AKAP10: variants seen among roughly 807,000 people sequenced by gnomAD.
AKAP10 encodes A-kinase anchoring protein 10.
In AKAP10, 24 loss-of-function variants were observed where a neutral mutation model predicts 80.8. The ratio of observed to expected loss-of-function variants is 0.30; its 90% CI spans 0.22 to 0.42. AKAP10 has a LOEUF of 0.42. AKAP10 is among the 10% of genes least tolerant of loss of function. The pLI, the probability that AKAP10 is intolerant of heterozygous loss-of-function variation, is 1.00. For missense variants in AKAP10, 661 were observed against 794.9 expected, an observed-to-expected ratio of 0.83 and a Z score of 2.03; for synonymous variants, 291 against 277.7, an observed-to-expected ratio of 1.05 and a Z score of -0.48.
chr17:19,940,840 G>T (rs780178322), intron 7 of AKAP10, 47 bp downstream of exon 7: 2 of 1,530,792 alleles, frequency 1.3e-6, no homozygotes, highest in Non-Finnish European at 1.7e-6. Context: ...TTGATAGTTA[G>T]AGGCTGGAAT....
intron 1 of AKAP10, among the ~76,000 whole-genome samples, chr17:19,972,354 T>C (rs542188768): frequency 6.6e-6 from 1 of 152,354 alleles, no homozygotes; most frequent in East Asian, 1.9e-4. Flanking sequence ...GTCTTTTACT[T>C]ATTACTTGCA....
intron 2 of AKAP10, among the ~76,000 whole-genome samples, chr17:19,966,761 A>C (rs1427319048): frequency 6.6e-6 from 1 of 152,224 alleles, no homozygotes; most frequent in East Asian, 1.9e-4. Flanking sequence ...TCATACTGTT[A>C]GTGGCAAAGT....
chr17:19,930,406 T>C (rs767718981), intron 10 of AKAP10, among the ~76,000 whole-genome samples: 72 of 152,144 alleles, frequency 4.7e-4, no homozygotes, highest in South Asian at 1.5e-3. Context: ...GTTTAACATA[T>C]GAAAGCACTC....
At position 19,946,271 on chromosome 17, in the gene AKAP10, ATATATTTTTTTTT is replaced by A. The variant is rs2043127333; in HGVS notation, c.976+1123_976+1135del. On this transcript the variant is annotated intron_variant, in intron 5 of 14. Coordinates refer to ENST00000225737, the MANE Select transcript of AKAP10 (RefSeq NM_007202.4). ...TATATATATATATATATATATATAT[ATATATTTTTTTTT>A]TTTTTTTTTTTTTTTGGCAGGGGGT... 3.9e-4 allele frequency among the ~76,000 whole-genome samples: 9 copies of A among 23,356 alleles called. No individual in the cohort carries two copies. The East Asian group carries it at 0.013, about 33-fold the overall frequency. 15.3% of individuals were successfully genotyped at this position (23,356 alleles called of 152,430 possible). A position where few individuals can be genotyped will look rare whatever the true frequency, so the allele number is the denominator to read the frequency against.
rs1263137803 is a variant in AKAP10 at position 19,968,467 on chromosome 17, A to T, written c.89-6T>A. ...CTCTTGTTCTTTGCCTTTCACTAGA[A>T]CATAAAAAGATAATTATGACCAACT... On this transcript the variant is annotated splice_polypyrimidine_tract_variant and splice_region_variant and intron_variant, in intron 1 of 14. Transcript: ENST00000225737. The T allele has an allele frequency of 6.2e-7, 1 of 1,613,156 alleles. No homozygotes were observed. Among genetic ancestry groups the T allele is most frequent in the Admixed American group, 1.7e-5 (1 of 59,928 alleles).
At chr17:19,963,418 C>G (rs969822670) in intron 2 of AKAP10, among the ~76,000 whole-genome samples, 1 of 152,028 alleles carries the variant, frequency 6.6e-6, no homozygotes, top group African/African-American at 2.4e-5. Flanking sequence ...TCTCAAAATA[C>G]TGTGCCAAAA....
At chr17:19,973,768 T>G (rs906009375) in intron 1 of AKAP10, among the ~76,000 whole-genome samples, 11 of 152,180 alleles carry the variant, frequency 7.2e-5, no homozygotes, top group African/African-American at 2.7e-4. Context: ...GACCAGGGTG[T>G]TAATTGTCAC....
intron 11 of AKAP10, among the ~76,000 whole-genome samples, chr17:19,921,490 G>C (rs2042815794): frequency 6.6e-6 from 1 of 151,716 alleles, no homozygotes; most frequent in Non-Finnish European, 1.5e-5. Flanking sequence ...AGACTGGTGA[G>C]AACATAAAAT....
chr17:19,945,293 T>A (rs2043091475), intron 5 of AKAP10, among the ~76,000 whole-genome samples: 1 of 152,050 alleles, frequency 6.6e-6, no homozygotes, highest in African/African-American at 2.4e-5. Flanking sequence ...TTCCTTTTTA[T>A]CCACACGCCA....
chr17:19,919,052 A>C (rs142666321), intron 12 of AKAP10, among the ~76,000 whole-genome samples: 31,001 of 150,364 alleles, frequency 0.21, 3,482 homozygotes, highest in Middle Eastern at 0.29. Context: ...TATTAGGTAT[A>C]TCTCCTAATG....
chr17:19,950,888 C>T (rs1002449080), intron 4 of AKAP10, among the ~76,000 whole-genome samples: 54 of 151,820 alleles, frequency 3.6e-4, no homozygotes, highest in Non-Finnish European at 6.5e-4. Flanking sequence ...GGCAGCCCAT[C>T]GTCTGAGATG....
At chr17:19,908,057 G>C (rs1360166293) in intron 14 of AKAP10, among the ~76,000 whole-genome samples, 1 of 151,700 alleles carries the variant, frequency 6.6e-6, no homozygotes, top group Non-Finnish European at 1.5e-5. Flanking sequence ...TAGAGACGGG[G>C]TTGCACCATG....
At chr17:19,951,803 CA>C (rs1474183738) in intron 4 of AKAP10, among the ~76,000 whole-genome samples, 1 of 151,620 alleles carries the variant, frequency 6.6e-6, no homozygotes, top group Admixed American at 6.6e-5. Context: ...AGACCTTGTT[CA>C]CATGTTTATC....
At chr17:19,934,363 T>C (rs890985578) in intron 9 of AKAP10, among the ~76,000 whole-genome samples, 4 of 152,250 alleles carry the variant, frequency 2.6e-5, no homozygotes, top group Admixed American at 2.6e-4. Flanking sequence ...TCTTTAATTG[T>C]TCAAGACAGG....
chr17:19,922,577 C>A (rs1216499764), intron 11 of AKAP10, among the ~76,000 whole-genome samples: 1 of 152,114 alleles, frequency 6.6e-6, no homozygotes, highest in Non-Finnish European at 1.5e-5. Context: ...GAAAAATTAT[C>A]ATTTCTCTTT....
At chr17:19,946,207 ATAT>A (rs1365451770) in intron 5 of AKAP10, among the ~76,000 whole-genome samples, 1,268 of 32,764 alleles carry the variant, frequency 0.039, 114 homozygotes, top group African/African-American at 0.14. Context: ...CATATATTTT[ATAT>A]ATATATATAT....
chr17:19,958,219 G>C lies in AKAP10; in HGVS notation c.672C>G (p.Asp224Glu). 1 of 1,614,102 alleles carries C rather than the reference G, an allele frequency of 6.2e-7. No individual in the cohort carries two copies. The highest frequency in any genetic ancestry group is 8.5e-7 in the Non-Finnish European group (1 of 1,180,008). The change falls in exon 4 of 15, where the codon GAC becomes GAG. Residue 224 changes from aspartate to glutamate, a missense_variant. Coordinates refer to ENST00000225737, the MANE Select transcript of AKAP10 (RefSeq NM_007202.4). ...GAGTGCTGTTAGTTCTATTATTCAG[G>C]TCAATTCCTTCTGAATGAGTCATAA... ...QLFMTHSEGI[D>E]LNNRTNSTQN...
At chr17:19,952,464 CAATA>C (rs57806192) in intron 4 of AKAP10, among the ~76,000 whole-genome samples, 15,107 of 148,112 alleles carry the variant, frequency 0.1, 1,046 homozygotes, top group African/African-American at 0.19. Flanking sequence ...AACTCTGTCT[CAATA>C]AATAAATAAA....
intron 9 of AKAP10, 77 bp from the exon 10 acceptor site, chr17:19,932,055 C>T (rs1296860908): frequency 2.3e-6 from 3 of 1,319,348 alleles, no homozygotes; most frequent in Admixed American, 2.5e-5. Flanking sequence ...TAAATTTTAC[C>T]TATAATTCTA....
Sources: gnomAD v4.1 joint callset for allele counts (sites outside exome capture counted in the v4.1 genomes callset) on GRCh38, gnomAD v4.1.1 for gene constraint, MANE v1.5 for transcripts, NCBI Gene and HGNC (gene_info 2026-07-23, HGNC 2026-07-21) for gene names.